KRT77: variants seen among roughly 807,000 people sequenced by gnomAD.
The protein encoded by KRT77 is keratin, type II cytoskeletal 1b.
In KRT77, 44 loss-of-function variants were observed where a neutral mutation model predicts 51.5. The ratio of observed to expected loss-of-function variants is 0.85; its 90% CI spans 0.67 to 1.10. The LOEUF is 1.10. Among genes scored for constraint, KRT77 ranks in the 50% least tolerant of loss-of-function variants. The probability of loss-of-function intolerance (pLI) is 0.00; values close to 1 mark genes in which losing one functional copy is unlikely to be tolerated. For synonymous variants in KRT77, 293 were observed against 302.0 expected (o/e 0.97, Z 0.31); for missense variants, 763 against 743.9 (o/e 1.03, Z -0.30).
intron 5 of KRT77, 80 bp from the exon 6 acceptor site, chr12:52,692,960 C>T: frequency 6.6e-7 from 1 of 1,508,946 alleles, no homozygotes; most frequent in Non-Finnish European, 9.1e-7. Context: ...CTGGGCTGCT[C>T]TCCCCTGGGA....
chr12:52,697,947 C>T (rs969860608), intron 1 of KRT77, 51 bp from the exon 2 acceptor site: 2 of 1,556,016 alleles, frequency 1.3e-6, no homozygotes, highest in Non-Finnish European at 1.8e-6. Flanking sequence ...AGAGCAGCTC[C>T]CCCATAAGTA....
In KRT77 at chr12:52,691,052, G is replaced by T; in HGVS notation, c.*113C>A. ...TAGAGTCGAATTTATTGGCAAAATT[G>T]CTGAGACCCATTAAGAAAAGTGAAT... On this transcript the variant is annotated 3_prime_UTR_variant, in exon 9 of 9. Coordinates refer to ENST00000341809, the MANE Select transcript of KRT77 (RefSeq NM_175078.3). 1.0e-5 allele frequency: 15 copies of T among 1,489,114 alleles called. No homozygotes were observed. The highest frequency in any genetic ancestry group is 1.4e-5 in the Non-Finnish European group (15 of 1,083,926). 92.2% of individuals were successfully genotyped at this position (1,489,114 alleles called of 1,614,324 possible). A position where few individuals can be genotyped will look rare whatever the true frequency, so the allele number is the denominator to read the frequency against.
At position 52,697,973 on chromosome 12, in the gene KRT77, C is replaced by T. The variant is rs537739618; in HGVS notation, c.544-77G>A. ...CCCATAAGTAGGAGCATCCATACCC[C>T]CTCAACACATCCAGACCTCAGAGAA... On this transcript the variant is annotated intron_variant, in intron 1 of 8. Transcript: ENST00000341809. 11 of 1,464,708 alleles carry T rather than the reference C, an allele frequency of 7.5e-6. 1 individual carries two copies. The South Asian group carries it at 1.1e-4, about 15-fold the overall frequency. The allele number at this position is 1,464,708 out of a possible 1,614,324, so 90.7% of individuals were successfully genotyped here.
rs368000634 is a variant in KRT77, at chr12:52,691,437, C to T, written c.1465G>A (p.Val489Met). The T allele has an allele frequency of 6.0e-5, 95 of 1,585,354 alleles. No individual in the cohort carries two copies. Among genetic ancestry groups the T allele is most frequent in the Non-Finnish European group, 7.3e-5 (85 of 1,171,244 alleles). Residue 489 changes from valine to methionine, a missense_variant and splice_region_variant, in exon 9 of 9, where the codon GTG (valine) becomes ATG (methionine). Coordinates refer to ENST00000341809, the MANE Select transcript of KRT77 (RefSeq NM_175078.3). ...TTGACGCTCACCTGGCTGTTCTGCA[C>T]GGCTGTGGGTAGGGGACAGTGCACA... ...GELQSHVSIS[V>M]QNSQVSVNGG...
At chr12:52,694,930 T>C (rs1015479939) in intron 4 of KRT77, 140 bp from the exon 5 acceptor site, 8 of 691,800 alleles carry the variant, frequency 1.2e-5, no homozygotes, top group African/African-American at 1.1e-4. Flanking sequence ...GGAATTGTTG[T>C]GTGCAATGAG....
At chr12:52,698,315 A>G (rs757180267) in intron 1 of KRT77, 31 of 492,350 alleles carry the variant, frequency 6.3e-5, no homozygotes, top group Non-Finnish European at 9.6e-5. Context: ...AAAAAGAGAG[A>G]AGGATCAATT....
At chr12:52,695,742 A>C in intron 4 of KRT77, 30 bp downstream of exon 4, 1 of 1,485,482 alleles carries the variant, frequency 6.7e-7, no homozygotes, top group Non-Finnish European at 9.4e-7. Context: ...GTGAGAAAAG[A>C]AAGGAGGTTC....
Position 52,690,886 on chromosome 12 carries a change from A to G in KRT77, c.*279T>C, listed in dbSNP as rs761004629. On this transcript the variant is annotated 3_prime_UTR_variant, in exon 9 of 9. Coordinates refer to ENST00000341809, the MANE Select transcript of KRT77 (RefSeq NM_175078.3). ...GCTCACCCTGGGCTACCGATCTTCC[A>G]AAAAGGTGGGAGCAGGAACAGCAGC... 7.5e-5 allele frequency: 41 copies of G among 546,902 alleles called. No homozygotes were observed. The highest frequency in any genetic ancestry group is 1.1e-4 in the Non-Finnish European group (34 of 309,744). The allele number at this position is 546,902 out of a possible 1,614,324, so 33.9% of individuals were successfully genotyped here. A position where few individuals can be genotyped will look rare whatever the true frequency, so the allele number is the denominator to read the frequency against.
Position 52,690,451 on chromosome 12 carries a change from GCTA to G in KRT77, c.*711_*713del. On this transcript the variant is annotated 3_prime_UTR_variant, in exon 9 of 9. Coordinates refer to ENST00000341809, the MANE Select transcript of KRT77 (RefSeq NM_175078.3). ...CTATCCATCAACATGAGTGTATGAG[GCTA>G]TGGACCAAGAGGCAGGAATAGGCCG... 1.3e-5 allele frequency: 2 copies of G among 154,856 alleles called. No individual in the cohort carries two copies. Among genetic ancestry groups the G allele is most frequent in the Admixed American group, 6.3e-5 (1 of 15,976 alleles). The allele number at this position is 154,856 out of a possible 1,614,324, so 9.6% of individuals were successfully genotyped here.
chr12:52,692,534 G>A lies in KRT77; in HGVS notation c.1314C>T (p.Ser438=). ...GCAGCAGCCGGGCCAGCTCCTCCTT[G>A]GACTGCTGCAGGGCCTCCTCCAGGT... The part of the protein sequence containing the change: ...LQDLEEALQQ[S]KEELARLLRD... The change falls in exon 7 of 9, where the codon TCC becomes TCT. Residue 438 remains serine (S), a synonymous_variant. Coordinates refer to ENST00000341809, the MANE Select transcript of KRT77 (RefSeq NM_175078.3). 1 of 1,613,972 alleles carries A rather than the reference G, an allele frequency of 6.2e-7. No individual in the cohort carries two copies. The highest frequency in any genetic ancestry group is 8.5e-7 in the Non-Finnish European group (1 of 1,179,968).
Position 52,691,063 on chromosome 12 carries a change from T to C in KRT77, c.*102A>G, listed in dbSNP as rs1235332816. The C allele has an allele frequency of 2.6e-6, 4 of 1,548,782 alleles. No individual in the cohort carries two copies. The highest frequency in any genetic ancestry group is 1.2e-5 in the South Asian group (1 of 84,876). ...TTATTGGCAAAATTGCTGAGACCCA[T>C]TAAGAAAAGTGAATGAGAGGGGATC... On this transcript the variant is annotated 3_prime_UTR_variant, in exon 9 of 9. Coordinates refer to ENST00000341809, the MANE Select transcript of KRT77 (RefSeq NM_175078.3).
intron 1 of KRT77, 122 bp from the exon 2 acceptor site, chr12:52,698,018 G>T: frequency 7.1e-7 from 1 of 1,411,778 alleles, no homozygotes; most frequent in East Asian, 2.4e-5. Context: ...CTCCTCCAAG[G>T]GTCAGAGAGC....
chr12:52,700,451 G>C (rs1210727140), intron 1 of KRT77, among the ~76,000 whole-genome samples: 1 of 152,044 alleles, frequency 6.6e-6, no homozygotes, highest in Non-Finnish European at 1.5e-5. Context: ...CACAGAAGGT[G>C]AGGGAGGAAG....
chr12:52,697,961 G>A lies in KRT77; in HGVS notation c.544-65C>T, dbSNP rs1941825399. On this transcript the variant is annotated intron_variant, in intron 1 of 8. Transcript: ENST00000341809. ...CAGAGCAGCTCCCCCATAAGTAGGAGCATCCATACCCCCTCAACACATCCA... is the reference window on the plus strand; with the variant it reads ...CAGAGCAGCTCCCCCATAAGTAGGAACATCCATACCCCCTCAACACATCCA... The A allele has an allele frequency of 2.7e-6, 4 of 1,505,192 alleles. No homozygotes were observed. In the South Asian group the frequency reaches 3.4e-5, roughly 13 times the overall value. The allele number at this position is 1,505,192 out of a possible 1,614,324, so 93.2% of individuals were successfully genotyped here. A position where few individuals can be genotyped will look rare whatever the true frequency, so the allele number is the denominator to read the frequency against.
Position 52,695,825 on chromosome 12 carries a change from T to C in KRT77, c.862A>G (p.Arg288Gly), listed in dbSNP as rs1941787993. ...ACCTCCCCAGTCAGAGTGTCCACCC[T>C]GGACTCCAGGTCCACTTTGCTCACA... ...AYVSKVDLES[R>G]VDTLTGEVNF... Residue 288 changes from arginine to glycine, a missense_variant, in exon 4 of 9, where the codon AGG (arginine) becomes GGG (glycine). Transcript: ENST00000341809. The C allele has an allele frequency of 6.2e-7, 1 of 1,614,082 alleles. No individual in the cohort carries two copies. Among genetic ancestry groups the C allele is most frequent in the East Asian group, 2.2e-5 (1 of 44,888 alleles).
Position 52,694,572 on chromosome 12 carries a change from C to G in KRT77, c.1080+54G>C, listed in dbSNP as rs1352983136. Reference sequence around the variant, plus strand: ...GAAAGACAATGCAATAAGAGAAAGACAATTCTGGGAAGAATCTGTTTTTCT... The same window carrying G: ...GAAAGACAATGCAATAAGAGAAAGAGAATTCTGGGAAGAATCTGTTTTTCT... On this transcript the variant is annotated intron_variant, in intron 5 of 8. Coordinates refer to ENST00000341809, the MANE Select transcript of KRT77 (RefSeq NM_175078.3). The G allele has an allele frequency of 2.0e-6, 3 of 1,500,422 alleles. No homozygotes were observed. The African/African-American group carries it at 4.1e-5, about 21-fold the overall frequency. 92.9% of individuals were successfully genotyped at this position (1,500,422 alleles called of 1,614,324 possible).
chr12:52,703,311 C>T lies in KRT77; in HGVS notation c.124G>A (p.Gly42Arg). The change falls in exon 1 of 9, where the codon GGG becomes AGG. Residue 42 changes from glycine to arginine, a missense_variant. Coordinates refer to ENST00000341809, the MANE Select transcript of KRT77 (RefSeq NM_175078.3). ...PAVGSVCYAR[G>R]RCGGGGYGIH... ...CCATATCCACCACCACCACACCTCCCTCGAGCATAACACACAGAACCCACT... is the reference window on the plus strand; with the variant it reads ...CCATATCCACCACCACCACACCTCCTTCGAGCATAACACACAGAACCCACT... The T allele has an allele frequency of 6.2e-7, 1 of 1,614,184 alleles. No homozygotes were observed. The highest frequency in any genetic ancestry group is 8.5e-7 in the Non-Finnish European group (1 of 1,180,034).
chr12:52,692,416 C>A lies in KRT77; in HGVS notation c.1427+5G>T, dbSNP rs754641791. On this transcript the variant is annotated splice_donor_5th_base_variant and intron_variant, in intron 7 of 8. Coordinates refer to ENST00000341809, the MANE Select transcript of KRT77 (RefSeq NM_175078.3). Reference sequence around the variant, plus strand: ...TAGCCCCAGAAACACAGCTGCCAGACCCACCTGCTCTCCTCGCCCTCCAGC... The same window carrying A: ...TAGCCCCAGAAACACAGCTGCCAGAACCACCTGCTCTCCTCGCCCTCCAGC... 8.7e-6 allele frequency: 14 copies of A among 1,613,644 alleles called. No homozygotes were observed. The highest frequency in any genetic ancestry group is 1.6e-4 in the Middle Eastern group (1 of 6,084).
chr12:52,694,833 TG>T (rs766764011), intron 4 of KRT77, 43 bp from the exon 5 acceptor site: 65 of 1,496,502 alleles, frequency 4.3e-5, no homozygotes, highest in Non-Finnish European at 5.4e-5. Flanking sequence ...CATTCTCCTC[TG>T]GGGGCCTCAG....
Sources: gnomAD v4.1 joint callset for allele counts (sites outside exome capture counted in the v4.1 genomes callset) on GRCh38, gnomAD v4.1.1 for gene constraint, MANE v1.5 for transcripts, NCBI Gene and HGNC (gene_info 2026-07-23, HGNC 2026-07-21) for gene names.